ADGRL2: variants seen among roughly 807,000 people sequenced by gnomAD.
ADGRL2 encodes calcium-independent alpha-latrotoxin receptor 2.
In ADGRL2, 44 loss-of-function variants were observed where a neutral mutation model predicts 157.4. The observed-to-expected ratio is 0.28, with a 90% CI of 0.22 to 0.36. The LOEUF is 0.36. Ranked by LOEUF, ADGRL2 falls within the 10% of genes least tolerant of loss-of-function variation. The pLI is 1.00. For synonymous variants in ADGRL2, 585 were observed against 624.7 expected (o/e 0.94, Z 0.95); for missense variants, 1,510 against 1,768.9 (o/e 0.85, Z 2.63).
intron 2 of ADGRL2, among the ~76,000 whole-genome samples, chr1:81,500,578 T>A (rs189440845): frequency 6.6e-6 from 1 of 152,132 alleles, no homozygotes; most frequent in Non-Finnish European, 1.5e-5. Context: ...ATCTCACTTA[T>A]ATAAGAGGTA....
At chr1:81,401,816 T>A (rs1037953262) in intron 1 of ADGRL2, among the ~76,000 whole-genome samples, 89 of 152,278 alleles carry the variant, frequency 5.8e-4, no homozygotes, top group African/African-American at 1.9e-3. Context: ...CCCACATAAG[T>A]GTGTCCCATT....
chr1:81,943,269 A>G lies in ADGRL2; in HGVS notation c.710A>G (p.Asp237Gly). Reference protein sequence around the residue: ...KERTRNIVKFDLRTRIKSGEA... With the variant: ...KERTRNIVKFGLRTRIKSGEA... ...AGAACGAGGAATATTGTGAAATTTG[A>G]CTTGAGGACTAGAATTAAGAGTGGC... Residue 237 changes from aspartate to glycine, a missense_variant, in exon 6 of 24, where the codon GAC (aspartate) becomes GGC (glycine). By Grantham distance (94) the Asp-to-Gly change is moderately conservative (BLOSUM62 -1). Around this residue, in one of 4 missense-constraint regions of ADGRL2, gnomAD observed 361 missense variants for 498.4 expected, o/e 0.72. Coordinates refer to ENST00000686636, the MANE Select transcript of ADGRL2 (RefSeq NM_001366006.2). The surrounding 1 kb of genome is among the most constrained non-coding windows in gnomAD (Gnocchi z 5.6). The G allele has an allele frequency of 6.2e-7, 1 of 1,613,604 alleles. No homozygotes were observed. Among genetic ancestry groups the G allele is most frequent in the Non-Finnish European group, 8.5e-7 (1 of 1,179,704 alleles).
At chr1:81,522,033 C>T (rs1483905445) in intron 2 of ADGRL2, among the ~76,000 whole-genome samples, 2 of 149,624 alleles carry the variant, frequency 1.3e-5, no homozygotes, top group South Asian at 2.1e-4. Context: ...GGTGCAATCT[C>T]GGCTCACTGC....
intron 1 of ADGRL2, among the ~76,000 whole-genome samples, chr1:81,403,862 A>G (rs961484526): frequency 1.3e-5 from 2 of 150,464 alleles, no homozygotes; most frequent in African/African-American, 4.9e-5. Flanking sequence ...CAGTGGCACA[A>G]TCTCAGCTCA....
At position 81,726,323 on chromosome 1, in the gene ADGRL2, C is replaced by T. The variant is rs114114950; in HGVS notation, c.-143+26515C>T. ...TGCGGCCAGTCACATGGGATTAATA[C>T]TGGGTTACTGAAACCCTTAGTGTGG... On this transcript the variant is annotated intron_variant, in intron 1 of 20. Transcript: ENST00000359929. Among the ~76,000 whole-genome samples, 1,448 of 152,294 alleles carry T rather than the reference C, an allele frequency of 9.5e-3. 26 individuals carry two copies. The highest frequency in any genetic ancestry group is 0.033 in the African/African-American group (1,379 of 41,554).
chr1:81,520,588 A>C (rs2079290639), intron 2 of ADGRL2, among the ~76,000 whole-genome samples: 1 of 152,104 alleles, frequency 6.6e-6, no homozygotes, highest in African/African-American at 2.4e-5. Flanking sequence ...AGTTCTCATG[A>C]GATCTGATGG....
At chr1:81,767,991 T>G (rs2086202829) in intron 2 of ADGRL2, among the ~76,000 whole-genome samples, 1 of 152,118 alleles carries the variant, frequency 6.6e-6, no homozygotes, top group African/African-American at 2.4e-5. Flanking sequence ...AGATAAATAT[T>G]ATGATTTCTC....
At chr1:81,819,012 C>T (rs769925268) in intron 1 of ADGRL2, among the ~76,000 whole-genome samples, 3 of 152,074 alleles carry the variant, frequency 2.0e-5, no homozygotes, top group African/African-American at 2.4e-5. Flanking sequence ...TAGTTTGGGA[C>T]ATGATTATGA....
chr1:81,388,978 C>A (rs1362392440), intron 1 of ADGRL2, among the ~76,000 whole-genome samples: 2 of 151,976 alleles, frequency 1.3e-5, no homozygotes, highest in Non-Finnish European at 2.9e-5. Context: ...AAAGAGTCTG[C>A]CAAAACCATA....
intron 1 of ADGRL2, among the ~76,000 whole-genome samples, chr1:81,374,109 A>G (rs892379910): frequency 1.3e-5 from 2 of 152,200 alleles, no homozygotes; most frequent in African/African-American, 4.8e-5. Flanking sequence ...CCTTATGAAT[A>G]CATGTAAGAA....
chr1:81,681,108 A>G (rs2083103973), intron 3 of ADGRL2, among the ~76,000 whole-genome samples: 1 of 152,236 alleles, frequency 6.6e-6, no homozygotes, highest in Non-Finnish European at 1.5e-5. Flanking sequence ...GAAATGAAGC[A>G]GAGAGACTGC....
intron 2 of ADGRL2, among the ~76,000 whole-genome samples, chr1:81,473,796 C>A (rs1557716427): frequency 6.6e-6 from 1 of 151,586 alleles, no homozygotes; most frequent in Admixed American, 6.6e-5. Context: ...TTTTTTTTCC[C>A]ACTTCAAGAT....
upstream of ADGRL2, among the ~76,000 whole-genome samples, chr1:81,696,763 C>CA (rs915760083): frequency 1.3e-4 from 19 of 151,494 alleles, no homozygotes; most frequent in African/African-American, 3.9e-4. Flanking sequence ...AAAACAAAAA[C>CA]AAAAAACAAA....
intron 3 of ADGRL2, among the ~76,000 whole-genome samples, chr1:81,660,218 G>C (rs1472868821): frequency 6.6e-6 from 1 of 152,152 alleles, no homozygotes; most frequent in Non-Finnish European, 1.5e-5. Flanking sequence ...CACTTCTTAA[G>C]TTTACAGTGG....
chr1:81,825,226 G>T (rs2091361604), intron 1 of ADGRL2, among the ~76,000 whole-genome samples: 1 of 151,784 alleles, frequency 6.6e-6, no homozygotes, highest in Non-Finnish European at 1.5e-5. Context: ...TTTTTTTGTT[G>T]TAGTGGGTAT....
chr1:81,645,647 G>A (rs2082301085), intron 3 of ADGRL2, among the ~76,000 whole-genome samples: 1 of 151,928 alleles, frequency 6.6e-6, no homozygotes, highest in South Asian at 2.1e-4. Context: ...CTTCACAATA[G>A]TTATTAGCTA....
intron 2 of ADGRL2, among the ~76,000 whole-genome samples, chr1:81,531,361 T>C (rs529758575): frequency 9.9e-4 from 151 of 152,292 alleles, no homozygotes; most frequent in Non-Finnish European, 1.7e-3. Flanking sequence ...ATACTGTGTT[T>C]GAGAAATTAT....
At chr1:81,824,450 A>AT (rs1483411252) in intron 1 of ADGRL2, among the ~76,000 whole-genome samples, 1 of 151,592 alleles carries the variant, frequency 6.6e-6, no homozygotes, top group African/African-American at 2.4e-5. Flanking sequence ...ATTTTTTTTA[A>AT]TTTTTTGTAG....
chr1:81,502,999 G>A, intron 2 of ADGRL2: 4 of 1,613,300 alleles, frequency 2.5e-6, no homozygotes, highest in Non-Finnish European at 3.4e-6. Flanking sequence ...TCGTCTGGCT[G>A]TGCCCGTGAC....
Sources: gnomAD v4.1 joint callset for allele counts (sites outside exome capture counted in the v4.1 genomes callset) on GRCh38, gnomAD v4.1.1 for gene constraint, gnomAD v4.1.1 regional missense constraint, Gnocchi (gnomAD v3.1) non-coding constraint, MANE v1.5 for transcripts, NCBI Gene and HGNC (gene_info 2026-07-23, HGNC 2026-07-21) for gene names.